The following PDE1C variants were observed in gnomAD, a reference collection of about 807,000 sequenced individuals.
PDE1C encodes the protein dual specificity calcium/calmodulin-dependent 3',5'-cyclic nucleotide phosphodiesterase 1C.
A neutral mutation model predicts 93.1 loss-of-function variants in PDE1C; 62 were observed. The observed-to-expected ratio is 0.67, with a 90% CI of 0.54 to 0.82. PDE1C has a LOEUF of 0.82. Ranked by LOEUF, PDE1C falls within the 40% of genes least tolerant of loss-of-function variation. The probability of loss-of-function intolerance (pLI) is 0.00; values close to 1 mark genes in which losing one functional copy is unlikely to be tolerated. For synonymous variants in PDE1C, 325 were observed against 310.1 expected, an observed-to-expected ratio of 1.05 and a Z score of -0.50; for missense variants, 742 against 884.6, an observed-to-expected ratio of 0.84 and a Z score of 2.04.
At chr7:32,017,751 T>A (rs561949832) in intron 2 of PDE1C, among the ~76,000 whole-genome samples, 2 of 152,128 alleles carry the variant, frequency 1.3e-5, no homozygotes, top group East Asian at 3.9e-4. Flanking sequence ...GAAAAGATGC[T>A]CAACATCATT....
chr7:32,182,682 C>T (rs899119582), intron 2 of PDE1C, among the ~76,000 whole-genome samples: 1 of 152,164 alleles, frequency 6.6e-6, no homozygotes, highest in Non-Finnish European at 1.5e-5. Context: ...GATAAACCCA[C>T]AGGCAATATC....
intron 6 of PDE1C, 56 bp downstream of exon 6, chr7:31,873,230 TCATATG>T: frequency 1.0e-6 from 1 of 999,066 alleles, no homozygotes; most frequent in Non-Finnish European, 1.5e-6. Context: ...AACCCAAAAG[TCATATG>T]AGGATAAACA....
chr7:31,970,774 G>A (rs1043717696), intron 2 of PDE1C, among the ~76,000 whole-genome samples: 4 of 152,202 alleles, frequency 2.6e-5, no homozygotes, highest in Non-Finnish European at 2.9e-5. Context: ...TCTCTGCTAA[G>A]GAGGAAAATA....
chr7:31,794,311 C>G (rs1413492981), intron 16 of PDE1C, among the ~76,000 whole-genome samples: 1 of 151,938 alleles, frequency 6.6e-6, no homozygotes, highest in East Asian at 1.9e-4. Flanking sequence ...CTTTCAATGG[C>G]AAAAACCCCA....
chr7:32,127,685 A>C (rs1302786099), intron 3 of PDE1C, among the ~76,000 whole-genome samples: 1 of 152,092 alleles, frequency 6.6e-6, no homozygotes, highest in Non-Finnish European at 1.5e-5. Context: ...AATAAAATAT[A>C]AAATGCCTAG....
At chr7:32,183,882 A>C (rs1411629467) in intron 2 of PDE1C, among the ~76,000 whole-genome samples, 2 of 152,216 alleles carry the variant, frequency 1.3e-5, no homozygotes, top group Admixed American at 6.5e-5. Context: ...AAATGGGAGA[A>C]AATTTTCCCA....
chr7:32,119,992 C>T (rs1456753790), intron 3 of PDE1C, among the ~76,000 whole-genome samples: 1 of 152,192 alleles, frequency 6.6e-6, no homozygotes, highest in Non-Finnish European at 1.5e-5. Flanking sequence ...TGCTAAGTTC[C>T]CTGGGTCGGG....
chr7:32,177,517 A>C (rs1201395457), intron 2 of PDE1C, among the ~76,000 whole-genome samples: 1 of 152,110 alleles, frequency 6.6e-6, no homozygotes, highest in Non-Finnish European at 1.5e-5. Context: ...TGTGCCTTTC[A>C]AATACAAACC....
chr7:32,030,276 A>G (rs1296134890), intron 2 of PDE1C, among the ~76,000 whole-genome samples: 1 of 152,112 alleles, frequency 6.6e-6, no homozygotes, highest in Non-Finnish European at 1.5e-5. Context: ...AGAGAAAAAG[A>G]ATGATTTTAA....
Position 31,802,451 on chromosome 7 carries a change from A to G in PDE1C, c.1891+6580T>C, listed in dbSNP as rs1358955491. Among the ~76,000 whole-genome samples, 4 of 151,640 alleles carry G rather than the reference A, an allele frequency of 2.6e-5. No homozygotes were observed. The East Asian group carries it at 7.8e-4, about 29-fold the overall frequency. On this transcript the variant is annotated intron_variant, in intron 16 of 17. Coordinates refer to ENST00000396191, the MANE Select transcript of PDE1C (RefSeq NM_001191057.4). The stretch of plus-strand genomic sequence containing the variant: ...TTATATTATTTTGTTTACCTAGTCA[A>G]TTATCATTAACATAAATTAGAAAAA...
At chr7:31,763,907 G>T (rs1794981182) in intron 17 of PDE1C, among the ~76,000 whole-genome samples, 1 of 151,474 alleles carries the variant, frequency 6.6e-6, no homozygotes, top group Non-Finnish European at 1.5e-5. Flanking sequence ...ATTTGGCAGA[G>T]AATACACCAC....
At chr7:31,711,732 G>A in the PDE1C span, among the ~76,000 whole-genome samples, 3 of 151,090 alleles carry the variant, frequency 2.0e-5, no homozygotes, top group Non-Finnish European at 3.0e-5. Flanking sequence ...GTCTTCCCTC[G>A]CCCCACTCCA....
At chr7:32,263,460 CT>C (rs1477649645) in intron 1 of PDE1C, among the ~76,000 whole-genome samples, 1 of 151,888 alleles carries the variant, frequency 6.6e-6, no homozygotes, top group Non-Finnish European at 1.5e-5. Context: ...ACATTATGGC[CT>C]TTTACCCCTA....
chr7:32,212,109 T>C (rs552139552), intron 1 of PDE1C, among the ~76,000 whole-genome samples: 1 of 151,376 alleles, frequency 6.6e-6, no homozygotes, highest in African/African-American at 2.4e-5. Flanking sequence ...CTGCAGAAAC[T>C]TTAAAATGAC....
At chr7:32,343,457 C>A (rs949804840) in intron 1 of PDE1C, among the ~76,000 whole-genome samples, 1 of 152,166 alleles carries the variant, frequency 6.6e-6, no homozygotes, top group East Asian at 1.9e-4. Context: ...CAAAGGTGAG[C>A]CCAGCCCACT....
chr7:32,414,212 CAA>C (rs112389316), intron 1 of PDE1C, among the ~76,000 whole-genome samples: 7 of 103,984 alleles, frequency 6.7e-5, no homozygotes, highest in Admixed American at 1.0e-4. Flanking sequence ...GACCCAGTCT[CAA>C]AAAAAAAAAA....
intron 2 of PDE1C, among the ~76,000 whole-genome samples, chr7:32,191,753 C>T (rs984156519): frequency 2.6e-5 from 4 of 152,120 alleles, no homozygotes; most frequent in Non-Finnish European, 4.4e-5. Flanking sequence ...AATTGCTGGT[C>T]GTATGGTAGT....
the PDE1C span, among the ~76,000 whole-genome samples, chr7:31,685,517 A>G: frequency 6.6e-6 from 1 of 152,204 alleles, no homozygotes; most frequent in Non-Finnish European, 1.5e-5. Flanking sequence ...TTCAGAAGGA[A>G]AGTATATCTT....
chr7:32,412,122 A>G (rs760705817), intron 1 of PDE1C, among the ~76,000 whole-genome samples: 1 of 152,170 alleles, frequency 6.6e-6, no homozygotes. Flanking sequence ...TTTATTTTTA[A>G]TAAGTAGAGG....
Sources: gnomAD v4.1 joint callset for allele counts (sites outside exome capture counted in the v4.1 genomes callset) on GRCh38, gnomAD v4.1.1 for gene constraint, MANE v1.5 for transcripts, NCBI Gene and HGNC (gene_info 2026-07-23, HGNC 2026-07-21) for gene names.